Variants in NEURL1 observed in about 807,000 individuals in gnomAD.
The protein encoded by NEURL1 is E3 ubiquitin-protein ligase NEURL1.
A neutral mutation model predicts 41.2 loss-of-function variants in NEURL1; 26 were observed. That is an observed-to-expected ratio of 0.63 (90% CI 0.46 to 0.87). NEURL1 has a LOEUF of 0.87. Among genes scored for constraint, NEURL1 ranks in the 40% least tolerant of loss-of-function variants. NEURL1 has a pLI of 0.00. For missense variants in NEURL1, 761 were observed against 871.1 expected, an observed-to-expected ratio of 0.87 and a Z score of 1.59; for synonymous variants, 400 against 402.3, an observed-to-expected ratio of 0.99 and a Z score of 0.07.
At chr10:103,564,550 G>A (rs1481182044) in intron 1 of NEURL1, among the ~76,000 whole-genome samples, 1 of 152,226 alleles carries the variant, frequency 6.6e-6, no homozygotes, top group Non-Finnish European at 1.5e-5. Context: ...TGGGGAAAAG[G>A]AGCTCTAGTA....
chr10:103,507,217 A>G (rs1459619651), intron 1 of NEURL1, among the ~76,000 whole-genome samples: 1 of 152,178 alleles, frequency 6.6e-6, no homozygotes, highest in Non-Finnish European at 1.5e-5. Context: ...ACTCCAGAGG[A>G]ACACCTGAGG....
At chr10:103,550,991 C>T (rs1314514060) in intron 1 of NEURL1, 1 of 152,190 alleles carries the variant, frequency 6.6e-6, no homozygotes, top group Non-Finnish European at 1.5e-5. Context: ...TACTTATAGC[C>T]TCTCCATTCC....
intron 5 of NEURL1, 78 bp from the exon 6 acceptor site, chr10:103,590,056 G>T: frequency 7.3e-7 from 1 of 1,364,532 alleles, no homozygotes. Context: ...GACACAAGAG[G>T]CCGGGGAGCT....
intron 1 of NEURL1, among the ~76,000 whole-genome samples, chr10:103,509,147 A>G (rs2034012332): frequency 2.6e-5 from 4 of 151,312 alleles, no homozygotes; most frequent in African/African-American, 7.3e-5. Context: ...CAGGAGAATC[A>G]CTTGAACCCA....
In NEURL1 at chr10:103,507,040, A is replaced by G. The variant is rs534092907; in HGVS notation, c.85+12568A>G. ...GATTCAAACATCAGAACCCAAGTGT[A>G]TCATGGAGATTGTTTTGCCCTACCT... On this transcript the variant is annotated intron_variant, in intron 1 of 5. Coordinates refer to ENST00000369780, the MANE Select transcript of NEURL1 (RefSeq NM_004210.5). 8.5e-5 allele frequency among the ~76,000 whole-genome samples: 13 copies of G among 152,286 alleles called. 1 individual carries two copies. The highest frequency in any genetic ancestry group is 5.9e-4 in the Admixed American group (9 of 15,306).
intron 1 of NEURL1, among the ~76,000 whole-genome samples, chr10:103,563,762 A>G (rs1177814930): frequency 6.6e-6 from 1 of 152,184 alleles, no homozygotes. Context: ...CCATGACCCC[A>G]TTTTACAGAT....
At chr10:103,551,054 G>A (rs926559151) in intron 1 of NEURL1, 1 of 152,078 alleles carries the variant, frequency 6.6e-6, no homozygotes, top group African/African-American at 2.4e-5. Context: ...AGATCATTTA[G>A]CCAGAGCTGA....
intron 1 of NEURL1, among the ~76,000 whole-genome samples, chr10:103,550,368 C>T (rs1165562419): frequency 6.6e-6 from 1 of 152,184 alleles, no homozygotes; most frequent in African/African-American, 2.4e-5. Context: ...GCCTAAGGTT[C>T]CCTAGATGGC....
At chr10:103,555,510 G>A (rs770966508) in intron 1 of NEURL1, 41 of 1,091,276 alleles carry the variant, frequency 3.8e-5, no homozygotes, top group Non-Finnish European at 4.6e-5. Flanking sequence ...GCTTGGTCAT[G>A]CCCCTACTTC....
At chr10:103,555,080 T>A (rs2035116745) in intron 1 of NEURL1, among the ~76,000 whole-genome samples, 1 of 151,796 alleles carries the variant, frequency 6.6e-6, no homozygotes. Context: ...ACAGATCCCA[T>A]CGGCTGTACC....
chr10:103,560,756 C>T (rs1042285212), intron 1 of NEURL1, among the ~76,000 whole-genome samples: 1 of 152,152 alleles, frequency 6.6e-6, no homozygotes, highest in African/African-American at 2.4e-5. Flanking sequence ...AACCTCTGCA[C>T]CAGTGCGACA....
chr10:103,554,622 A>G (rs1300520996), intron 1 of NEURL1, among the ~76,000 whole-genome samples: 3 of 152,176 alleles, frequency 2.0e-5, no homozygotes, highest in Non-Finnish European at 4.4e-5. Flanking sequence ...TAAGACCATC[A>G]TCATCATCTT....
chr10:103,590,613 TC>T lies in NEURL1; in HGVS notation c.*244del. On this transcript the variant is annotated 3_prime_UTR_variant, in exon 6 of 6. Transcript: ENST00000369780. ...GAGGAGGCCGCACTCTCCCTGTCTC[TC>T]CCGTCTCTGCACCCAGCTCCTCTCT... 1.8e-6 allele frequency: 1 copy of T among 556,622 alleles called. No homozygotes were observed. Among genetic ancestry groups the T allele is most frequent in the South Asian group, 2.1e-5 (1 of 46,708 alleles). 34.5% of individuals were successfully genotyped at this position (556,622 alleles called of 1,614,324 possible).
chr10:103,531,938 A>G (rs868316903), intron 1 of NEURL1, among the ~76,000 whole-genome samples: 6 of 152,254 alleles, frequency 3.9e-5, no homozygotes, highest in South Asian at 4.1e-4. Flanking sequence ...TTATCATTAT[A>G]TAATGACCTT....
intron 1 of NEURL1, among the ~76,000 whole-genome samples, chr10:103,530,539 A>C (rs77252562): frequency 2.0e-5 from 3 of 151,782 alleles, no homozygotes; most frequent in Non-Finnish European, 4.4e-5. Context: ...CAGAAATGAT[A>C]GTTGATATGA....
At chr10:103,518,674 G>T (rs2034272910) in intron 1 of NEURL1, among the ~76,000 whole-genome samples, 1 of 152,080 alleles carries the variant, frequency 6.6e-6, no homozygotes, top group Non-Finnish European at 1.5e-5. Flanking sequence ...GGAGGTGAGG[G>T]AGTGAGCAGT....
intron 1 of NEURL1, among the ~76,000 whole-genome samples, chr10:103,529,267 T>C (rs527727144): frequency 6.6e-6 from 1 of 152,244 alleles, no homozygotes; most frequent in Admixed American, 6.5e-5. Flanking sequence ...TTGATGGATC[T>C]TTGTTCGATA....
chr10:103,523,356 T>G (rs543970980), intron 1 of NEURL1, among the ~76,000 whole-genome samples: 1 of 151,660 alleles, frequency 6.6e-6, no homozygotes, highest in South Asian at 2.1e-4. Flanking sequence ...CTCTGGAGGC[T>G]AAGGTGGAAG....
intron 1 of NEURL1, among the ~76,000 whole-genome samples, chr10:103,544,294 T>C (rs550413932): frequency 6.6e-6 from 1 of 152,268 alleles, no homozygotes; most frequent in Admixed American, 6.5e-5. Context: ...GGGGTGCCCA[T>C]GTTGGGTGGG....
Sources: allele counts gnomAD v4.1 joint callset (sites outside exome capture counted in the v4.1 genomes callset), GRCh38; gene constraint gnomAD v4.1.1; transcripts MANE v1.5; gene names NCBI Gene and HGNC (gene_info 2026-07-23, HGNC 2026-07-21).